RAD51B: variants seen among roughly 807,000 people sequenced by gnomAD.
The protein encoded by RAD51B is RAD51 paralog B.
In RAD51B, 38 loss-of-function variants were observed where a neutral mutation model predicts 42.2. The observed-to-expected ratio is 0.90, with a 90% CI of 0.70 to 1.18. The LOEUF (loss-of-function observed/expected upper bound fraction) is 1.18, where lower values mean the gene tolerates loss of function less well. Among genes scored for constraint, RAD51B ranks in the 50% most tolerant of loss-of-function variants. RAD51B has a pLI of 0.00. For synonymous variants in RAD51B, 154 were observed against 145.2 expected (o/e 1.06, Z -0.43); for missense variants, 373 against 400.7 (o/e 0.93, Z 0.59).
At chr14:68,449,881 T>C (rs1299058235) in intron 9 of RAD51B, among the ~76,000 whole-genome samples, 2 of 152,152 alleles carry the variant, frequency 1.3e-5, no homozygotes, top group African/African-American at 4.8e-5. Flanking sequence ...TTAGAAGAAC[T>C]CGGTCTGAAT....
At chr14:68,490,523 A>C (rs908947040) in intron 10 of RAD51B, among the ~76,000 whole-genome samples, 1 of 152,256 alleles carries the variant, frequency 6.6e-6, no homozygotes, top group Non-Finnish European at 1.5e-5. Context: ...TCTCTAAGAC[A>C]TATTGCCCCA....
At chr14:68,443,342 G>A (rs1313303615) in intron 9 of RAD51B, among the ~76,000 whole-genome samples, 2 of 152,194 alleles carry the variant, frequency 1.3e-5, no homozygotes, top group Non-Finnish European at 2.9e-5. Context: ...GATGTTGAAT[G>A]TGTTCACGAG....
intron 7 of RAD51B, among the ~76,000 whole-genome samples, chr14:68,288,361 A>G (rs2081453160): frequency 6.6e-6 from 1 of 152,242 alleles, no homozygotes; most frequent in Non-Finnish European, 1.5e-5. Context: ...GTTGCTATGT[A>G]TCCCTTTGGT....
intron 3 of RAD51B, among the ~76,000 whole-genome samples, chr14:67,828,214 T>G (rs1469044791): frequency 1.3e-5 from 2 of 152,204 alleles, no homozygotes; most frequent in African/African-American, 4.8e-5. Context: ...TCATTGTGAT[T>G]TTGATGTGCA....
chr14:68,523,740 G>T (rs889573748), intron 10 of RAD51B, among the ~76,000 whole-genome samples: 6 of 152,122 alleles, frequency 3.9e-5, no homozygotes, highest in African/African-American at 1.4e-4. Flanking sequence ...AGGGAAAGTT[G>T]TCCTCCATAC....
chr14:68,001,565 G>A (rs901411110), intron 7 of RAD51B, among the ~76,000 whole-genome samples: 1 of 152,136 alleles, frequency 6.6e-6, no homozygotes, highest in Non-Finnish European at 1.5e-5. Flanking sequence ...AAGCTCAGGG[G>A]TGCATGTGCA....
At chr14:67,977,424 C>A (rs759845463) in intron 7 of RAD51B, among the ~76,000 whole-genome samples, 4 of 152,152 alleles carry the variant, frequency 2.6e-5, no homozygotes, top group African/African-American at 9.7e-5. Flanking sequence ...TTAAAAAGTT[C>A]CCTCCGGCCA....
chr14:68,282,625 CTT>C (rs2081341211), intron 7 of RAD51B, among the ~76,000 whole-genome samples: 1 of 151,808 alleles, frequency 6.6e-6, no homozygotes, highest in Non-Finnish European at 1.5e-5. Context: ...AAATAAATAA[CTT>C]TTGTTCAAGA....
intron 10 of RAD51B, among the ~76,000 whole-genome samples, chr14:68,495,579 C>G (rs1397677424): frequency 6.6e-6 from 1 of 152,064 alleles, no homozygotes; most frequent in Non-Finnish European, 1.5e-5. Context: ...AAAAGGAACT[C>G]GAAGCACGGG....
At chr14:68,028,353 C>T (rs1156836969) in intron 7 of RAD51B, among the ~76,000 whole-genome samples, 1 of 152,204 alleles carries the variant, frequency 6.6e-6, no homozygotes, top group Non-Finnish European at 1.5e-5. Flanking sequence ...ATGAGGCTCT[C>T]TTGGGCAGAA....
intron 7 of RAD51B, among the ~76,000 whole-genome samples, chr14:68,245,765 A>G (rs2080483250): frequency 6.6e-6 from 1 of 152,196 alleles, no homozygotes; most frequent in Non-Finnish European, 1.5e-5. Context: ...AAGACTGTTC[A>G]AGATTGGTAT....
At chr14:68,633,468 G>A (rs766113789) in intron 10 of RAD51B, among the ~76,000 whole-genome samples, 1 of 152,030 alleles carries the variant, frequency 6.6e-6, no homozygotes, top group African/African-American at 2.4e-5. Flanking sequence ...ACAGGAGTCC[G>A]CAGCCCACCC....
chr14:68,485,545 A>AT (rs1883557830), intron 10 of RAD51B, among the ~76,000 whole-genome samples: 1 of 152,098 alleles, frequency 6.6e-6, no homozygotes, highest in Non-Finnish European at 1.5e-5. Context: ...TCAAAAAAAA[A>AT]CAGACATCAG....
At chr14:68,190,295 T>C (rs966535278) in intron 7 of RAD51B, among the ~76,000 whole-genome samples, 2 of 152,174 alleles carry the variant, frequency 1.3e-5, no homozygotes, top group Non-Finnish European at 2.9e-5. Flanking sequence ...GTCCAGGTAC[T>C]TTTTTTGTGC....
intron 7 of RAD51B, 47 bp downstream of exon 7, chr14:67,887,251 C>G: frequency 6.9e-7 from 1 of 1,439,690 alleles, no homozygotes; most frequent in Non-Finnish European, 9.6e-7. Flanking sequence ...TCTTTTGTTT[C>G]TTTTATATTA....
At chr14:68,065,164 T>C (rs1409153205) in intron 7 of RAD51B, among the ~76,000 whole-genome samples, 1 of 152,008 alleles carries the variant, frequency 6.6e-6, no homozygotes, top group African/African-American at 2.4e-5. Flanking sequence ...TTGGGTGGGG[T>C]ATGTTGCTTT....
chr14:68,202,328 AAT>A (rs1406715555), intron 7 of RAD51B, among the ~76,000 whole-genome samples: 1 of 152,160 alleles, frequency 6.6e-6, no homozygotes, highest in Non-Finnish European at 1.5e-5. Context: ...TTACTGCATT[AAT>A]AGACTCTTCC....
intron 8 of RAD51B, among the ~76,000 whole-genome samples, chr14:68,292,318 T>G (rs962937237): frequency 5.9e-5 from 9 of 152,212 alleles, no homozygotes; most frequent in Non-Finnish European, 1.3e-4. Context: ...CCCTAGCAAT[T>G]TAGCCTTTTG....
chr14:68,606,661 G>A (rs1245361073), intron 10 of RAD51B, among the ~76,000 whole-genome samples: 1 of 152,194 alleles, frequency 6.6e-6, no homozygotes, highest in Non-Finnish European at 1.5e-5. Context: ...GAGTTAAAGA[G>A]GGTGGGAGCC....
Sources: allele counts gnomAD v4.1 joint callset (sites outside exome capture counted in the v4.1 genomes callset), GRCh38; gene constraint gnomAD v4.1.1; transcripts MANE v1.5; gene names NCBI Gene and HGNC (gene_info 2026-07-23, HGNC 2026-07-21).